TAMALIN: variants seen among roughly 807,000 people sequenced by gnomAD.
TAMALIN encodes the protein trafficking regulator and scaffold protein tamalin, also known as protein TAMALIN.
In TAMALIN, 9 loss-of-function variants were observed where a neutral mutation model predicts 38.5. That is an observed-to-expected ratio of 0.23 (90% CI 0.14 to 0.41). The LOEUF is 0.41. TAMALIN is among the 10% of genes least tolerant of loss of function. The pLI is 1.00. For missense variants in TAMALIN, 548 were observed against 554.1 expected (o/e 0.99, Z 0.11); for synonymous variants, 306 against 256.5 (o/e 1.19, Z -1.85).
At position 52,014,080 on chromosome 12, in the gene TAMALIN, GTCCTGCTAGTT is replaced by G. The variant is rs1937727466; in HGVS notation, c.616-45_616-35del. The G allele has an allele frequency of 1.9e-6, 3 of 1,573,334 alleles. No individual in the cohort carries two copies. In the African/African-American group the frequency reaches 4.0e-5, roughly 21 times the overall value. Reference sequence around the variant, plus strand: ...TCCCTGATCCCTCGTCTGTACCCACGTCCTGCTAGTTTCCTGCTAGCTTGTGACAGTGGGGT... The same window carrying G: ...TCCCTGATCCCTCGTCTGTACCCACGTCCTGCTAGCTTGTGACAGTGGGGT... On this transcript the variant is annotated intron_variant, in intron 6 of 7. Coordinates refer to ENST00000293662, the MANE Select transcript of TAMALIN (RefSeq NM_181711.4).
rs2120866011 is a variant in TAMALIN, at chr12:52,015,200, G to A, written c.*1G>A. The A allele has an allele frequency of 3.2e-6, 5 of 1,583,444 alleles. No homozygotes were observed. The South Asian group carries it at 4.4e-5, about 14-fold the overall frequency. On this transcript the variant is annotated 3_prime_UTR_variant, in exon 8 of 8. Transcript: ENST00000293662. ...GGAGGAGGAGGAGAGCCAGCTGTAG[G>A]GGCGGGGGCGGGCAGGGAGGTATTT...
chr12:52,014,063 C>T, intron 6 of TAMALIN, 72 bp from the exon 7 acceptor site: 1 of 1,556,126 alleles, frequency 6.4e-7, no homozygotes, highest in South Asian at 1.1e-5. Context: ...ACTCCCTGAT[C>T]CCTCGTCTGT....
chr12:52,007,580 C>G lies in TAMALIN; in HGVS notation c.246+315C>G, dbSNP rs962243278. The G allele has an allele frequency of 2.0e-6, 2 of 984,504 alleles. No individual in the cohort carries two copies. Among genetic ancestry groups the G allele is most frequent in the Admixed American group, 1.2e-4 (2 of 16,264 alleles). The allele number at this position is 984,504 out of a possible 1,614,324, so 61.0% of individuals were successfully genotyped here. A position where few individuals can be genotyped will look rare whatever the true frequency, so the allele number is the denominator to read the frequency against. On this transcript the variant is annotated intron_variant, in intron 1 of 7. Transcript: ENST00000293662. The surrounding 1 kb of genome is among the most constrained non-coding windows in gnomAD (Gnocchi z 6.7). ...TTCTGCCCCCCATGCCCCGCCTCCC[C>G]GTGGCCAGGTGTCCTGGGTCCCCAG...
In TAMALIN at chr12:52,014,213, C is replaced by G. The variant is rs770876984; in HGVS notation, c.682+12C>G. On this transcript the variant is annotated intron_variant, in intron 7 of 7. Transcript: ENST00000293662. ...GCGGCTGGTGCATGGTGAGTAGATC[C>G]CGGGGTGTGAGGGGCCACTTGTTCT... is the stretch of plus-strand genomic sequence containing the variant. 1 of 1,589,496 alleles carries G rather than the reference C, an allele frequency of 6.3e-7. No individual in the cohort carries two copies. Among genetic ancestry groups the G allele is most frequent in the South Asian group, 1.1e-5 (1 of 87,420 alleles).
intron 7 of TAMALIN, 198 bp from the exon 8 acceptor site, chr12:52,014,496 G>T: frequency 1.7e-6 from 1 of 603,710 alleles, no homozygotes. Flanking sequence ...TTTGTGCTAA[G>T]CGGCCCCCAT....
Position 52,007,587 on chromosome 12 carries a change from AG to A in TAMALIN, c.246+324del. The A allele has an allele frequency of 1.0e-6, 1 of 983,822 alleles. No individual in the cohort carries two copies. The highest frequency in any genetic ancestry group is 1.2e-6 in the Non-Finnish European group (1 of 829,102). 60.9% of individuals were successfully genotyped at this position (983,822 alleles called of 1,614,324 possible). On this transcript the variant is annotated intron_variant, in intron 1 of 7. Transcript: ENST00000293662. The surrounding 1 kb of genome is among the most constrained non-coding windows in gnomAD (Gnocchi z 6.7). ...CCCCATGCCCCGCCTCCCCGTGGCC[AG>A]GTGTCCTGGGTCCCCAGGAGCCCCT...
Position 52,015,127 on chromosome 12 carries a change from C to T in TAMALIN, c.1116C>T (p.Ser372=). The change falls in exon 8 of 8, where the codon AGC becomes AGT. Residue 372 remains serine, a synonymous_variant. Transcript: ENST00000293662. ...GCCTGCGCAAAACCAAGTACCGCAG[C>T]TTCCGCCGGCGGCTGCTCAAGTTCA... The part of the protein sequence containing the change: ...GPGLRKTKYR[S]FRRRLLKFIP... The T allele has an allele frequency of 1.3e-6, 2 of 1,589,784 alleles. No homozygotes were observed. The highest frequency in any genetic ancestry group is 2.3e-5 in the East Asian group (1 of 44,426).
chr12:52,014,892 AGCCGCCGGC>A lies in TAMALIN; in HGVS notation c.884_892del (p.Pro295_Ala297del). The stretch of plus-strand genomic sequence containing the variant: ...CACACGTGCTTCTTCGGGGACTCCG[AGCCGCCGGC>A]GCTGCCGCCCCCGCCGCCCCCGGCC... On this transcript the variant is annotated inframe_deletion, in exon 8 of 8. Transcript: ENST00000293662. The A allele has an allele frequency of 1.6e-6, 2 of 1,223,626 alleles. No individual in the cohort carries two copies. The highest frequency in any genetic ancestry group is 2.0e-5 in the South Asian group (1 of 49,904). The allele number at this position is 1,223,626 out of a possible 1,614,324, so 75.8% of individuals were successfully genotyped here. A position where few individuals can be genotyped will look rare whatever the true frequency, so the allele number is the denominator to read the frequency against.
Position 52,014,941 on chromosome 12 carries a change from G to A in TAMALIN, c.930G>A (p.Pro310=). Residue 310 remains proline (P), a synonymous_variant, in exon 8 of 8, where the codon CCG becomes CCA. Transcript: ENST00000293662. ...CGCCCCCGGCCCGCGCCTTCGGCCC[G>A]GGCCCCGCCGAGACCCCTGCCGTGG... ...PPPPPARAFG[P]GPAETPAVGP... 1 of 1,001,356 alleles carries A rather than the reference G, an allele frequency of 1.0e-6. No individual in the cohort carries two copies. Among genetic ancestry groups the A allele is most frequent in the South Asian group, 4.5e-5 (1 of 22,272 alleles). The allele number at this position is 1,001,356 out of a possible 1,614,324, so 62.0% of individuals were successfully genotyped here. A position where few individuals can be genotyped will look rare whatever the true frequency, so the allele number is the denominator to read the frequency against.
chr12:52,010,971 G>C (rs775716565), intron 3 of TAMALIN, 36 bp downstream of exon 3: 6 of 1,613,912 alleles, frequency 3.7e-6, no homozygotes, highest in Non-Finnish European at 5.1e-6. Flanking sequence ...AGGGGGGTTG[G>C]ATGACCAGCC....
intron 6 of TAMALIN, 31 bp downstream of exon 6, chr12:52,013,974 A>C (rs760513036): frequency 6.2e-7 from 1 of 1,608,366 alleles, no homozygotes; most frequent in East Asian, 2.2e-5. Flanking sequence ...TCCAGCCTCC[A>C]CCCTCCTCTT....
Position 52,011,314 on chromosome 12 carries a change from G to A in TAMALIN, c.454+173G>A. Reference sequence around the variant, plus strand: ...CTTTGGATCTAGGCAAATTTGCCATGTACTGTGTGATCTTGCACAGCCCCA... The same window carrying A: ...CTTTGGATCTAGGCAAATTTGCCATATACTGTGTGATCTTGCACAGCCCCA... On this transcript the variant is annotated intron_variant, in intron 4 of 7. Coordinates refer to ENST00000293662, the MANE Select transcript of TAMALIN (RefSeq NM_181711.4). This position sits in a 1 kb window ranked among gnomAD's most constrained non-coding sequence, Gnocchi z 5.3. 1.7e-6 allele frequency: 2 copies of A among 1,149,566 alleles called. No homozygotes were observed. The highest frequency in any genetic ancestry group is 2.5e-6 in the Non-Finnish European group (2 of 801,156). 71.2% of individuals were successfully genotyped at this position (1,149,566 alleles called of 1,614,324 possible). A position where few individuals can be genotyped will look rare whatever the true frequency, so the allele number is the denominator to read the frequency against.
intron 4 of TAMALIN, among the ~76,000 whole-genome samples, chr12:52,012,303 G>C (rs1937669189): frequency 6.6e-6 from 1 of 152,162 alleles, no homozygotes; most frequent in African/African-American, 2.4e-5. Context: ...GCCCAGGCTG[G>C]AGTGCAATGG....
chr12:52,008,151 C>T (rs972880849), intron 1 of TAMALIN: 2 of 985,410 alleles, frequency 2.0e-6, no homozygotes, highest in South Asian at 4.7e-5. Context: ...GTCCTTCCTC[C>T]CTGGCCGTTT....
chr12:52,015,338 G>A lies in TAMALIN; in HGVS notation c.*139G>A. Reference sequence around the variant, plus strand: ...TTCCTAGCCTCGGCCCGCCGGGTCGGTTCCTGGCTGGTGTCTGCTGAGGGA... The same window carrying A: ...TTCCTAGCCTCGGCCCGCCGGGTCGATTCCTGGCTGGTGTCTGCTGAGGGA... On this transcript the variant is annotated 3_prime_UTR_variant, in exon 8 of 8. Coordinates refer to ENST00000293662, the MANE Select transcript of TAMALIN (RefSeq NM_181711.4). The A allele has an allele frequency of 1.9e-6, 2 of 1,070,020 alleles. No individual in the cohort carries two copies. The highest frequency in any genetic ancestry group is 2.5e-6 in the Non-Finnish European group (2 of 789,580). 66.3% of individuals were successfully genotyped at this position (1,070,020 alleles called of 1,614,324 possible).
intron 1 of TAMALIN, chr12:52,008,288 A>C: frequency 2.0e-6 from 2 of 985,298 alleles, no homozygotes; most frequent in Non-Finnish European, 2.4e-6. Context: ...GCTCCAAAGA[A>C]AAGGGCTGCT....
At position 52,007,963 on chromosome 12, in the gene TAMALIN, T is replaced by C. The variant is rs1373486197; in HGVS notation, c.246+698T>C. The C allele has an allele frequency of 6.1e-6, 6 of 985,296 alleles. No individual in the cohort carries two copies. Among genetic ancestry groups the C allele is most frequent in the Non-Finnish European group, 7.2e-6 (6 of 829,926 alleles). 61.0% of individuals were successfully genotyped at this position (985,296 alleles called of 1,614,324 possible). A position where few individuals can be genotyped will look rare whatever the true frequency, so the allele number is the denominator to read the frequency against. On this transcript the variant is annotated intron_variant, in intron 1 of 7. Coordinates refer to ENST00000293662, the MANE Select transcript of TAMALIN (RefSeq NM_181711.4). The surrounding 1 kb of genome is among the most constrained non-coding windows in gnomAD (Gnocchi z 6.7). ...CCTCTTCCTCTGGCCCCAGGAGACCTGAGGCTCAGAACCTACACAACACCA... is the reference window on the plus strand; with the variant it reads ...CCTCTTCCTCTGGCCCCAGGAGACCCGAGGCTCAGAACCTACACAACACCA...
In TAMALIN at chr12:52,014,360, C is replaced by T. The variant is rs1937735125; in HGVS notation, c.682+159C>T. The T allele has an allele frequency of 2.1e-5, 14 of 676,448 alleles. No homozygotes were observed. The South Asian group carries it at 2.4e-4, about 11-fold the overall frequency. The allele number at this position is 676,448 out of a possible 1,614,324, so 41.9% of individuals were successfully genotyped here. On this transcript the variant is annotated intron_variant, in intron 7 of 7. Coordinates refer to ENST00000293662, the MANE Select transcript of TAMALIN (RefSeq NM_181711.4). Reference sequence around the variant, plus strand: ...GAGCTACTACTACTTTGGGTACTGCCGCAGCCACATTTCTGGTTATTCTCA... The same window carrying T: ...GAGCTACTACTACTTTGGGTACTGCTGCAGCCACATTTCTGGTTATTCTCA...
Position 52,007,052 on chromosome 12 carries a change from G to A in TAMALIN, c.33G>A (p.Gln11=). The A allele has an allele frequency of 6.9e-7, 1 of 1,453,678 alleles. No homozygotes were observed. The highest frequency in any genetic ancestry group is 1.4e-5 in the South Asian group (1 of 73,848). The allele number at this position is 1,453,678 out of a possible 1,614,324, so 90.0% of individuals were successfully genotyped here. A position where few individuals can be genotyped will look rare whatever the true frequency, so the allele number is the denominator to read the frequency against. The change falls in exon 1 of 8, where the codon CAG becomes CAA. Residue 11 remains glutamine (Q), a synonymous_variant. Transcript: ENST00000293662. This position sits in a 1 kb window ranked among gnomAD's most constrained non-coding sequence, Gnocchi z 6.7. MTLRRLRKLQ[Q]KEEAAATPDP... ...TCCGCCGACTCAGGAAGCTGCAGCA[G>A]AAGGAGGAGGCGGCGGCCACCCCGG...
Sources: gnomAD v4.1 joint callset for allele counts (sites outside exome capture counted in the v4.1 genomes callset) on GRCh38, gnomAD v4.1.1 for gene constraint, Gnocchi (gnomAD v3.1) non-coding constraint, MANE v1.5 for transcripts, NCBI Gene and HGNC (gene_info 2026-07-23, HGNC 2026-07-21) for gene names.